The following FIP1L1 variants were observed in gnomAD, a reference collection of about 807,000 sequenced individuals.
FIP1L1 encodes the protein pre-mRNA 3'-end-processing factor FIP1.
Under a neutral mutation model 84.6 loss-of-function variants are expected in FIP1L1, and 21 were observed. That is an observed-to-expected ratio of 0.25 (90% CI 0.18 to 0.36). The LOEUF (loss-of-function observed/expected upper bound fraction) is 0.36, where lower values mean the gene tolerates loss of function less well. FIP1L1 is among the 10% of genes least tolerant of loss of function. The pLI, the probability that FIP1L1 is intolerant of heterozygous loss-of-function variation, is 1.00. For synonymous variants in FIP1L1, 263 were observed against 242.3 expected (o/e 1.09, Z -0.80); for missense variants, 526 against 751.1 (o/e 0.70, Z 3.50).
chr4:53,422,401 A>T (rs1293341728), intron 11 of FIP1L1, among the ~76,000 whole-genome samples: 2 of 152,014 alleles, frequency 1.3e-5, no homozygotes, highest in African/African-American at 2.4e-5. Context: ...AAAGTTTAAA[A>T]ACTATTGTAC....
chr4:53,383,899 A>G (rs1413843845), intron 5 of FIP1L1, 23 bp downstream of exon 5: 1 of 1,605,488 alleles, frequency 6.2e-7, no homozygotes, highest in African/African-American at 1.3e-5. Flanking sequence ...TTAGTAAGTA[A>G]CAATTGTGTA....
At position 53,409,796 on chromosome 4, in the gene FIP1L1, G is replaced by A. The variant is rs548740203; in HGVS notation, c.816-4819G>A. On this transcript the variant is annotated intron_variant, in intron 10 of 17. Coordinates refer to ENST00000337488, the MANE Select transcript of FIP1L1 (RefSeq NM_030917.4). ...CGTGGGCGTAGGACCCTCCGACCCA[G>A]GTGCAGGATATAATCTCCTGGTGCG... 3.7e-4 allele frequency among the ~76,000 whole-genome samples: 56 copies of A among 152,370 alleles called. 1 individual carries two copies. Among genetic ancestry groups the A allele is most frequent in the Admixed American group, 8.5e-4 (13 of 15,310 alleles).
chr4:53,388,699 A>G (rs568352151), intron 5 of FIP1L1, among the ~76,000 whole-genome samples: 2 of 152,292 alleles, frequency 1.3e-5, no homozygotes, highest in Admixed American at 6.5e-5. Context: ...GTTTTCTTCT[A>G]ACTTCCCTAG....
rs1326819736 is a variant in FIP1L1 at position 53,377,671 on chromosome 4, C to T, written c.-168C>T. 22 of 604,666 alleles carry T rather than the reference C, an allele frequency of 3.6e-5. No homozygotes were observed. Among genetic ancestry groups the T allele is most frequent in the African/African-American group, 1.1e-4 (6 of 52,454 alleles). 37.5% of individuals were successfully genotyped at this position (604,666 alleles called of 1,614,324 possible). The stretch of plus-strand genomic sequence containing the variant: ...TGCGCAGACGGACCTGCGCTGGAGG[C>T]TTCATCTTTGCCGCCGCTGCCGTCG... On this transcript the variant is annotated 5_prime_UTR_variant, in exon 1 of 18. Coordinates refer to ENST00000337488, the MANE Select transcript of FIP1L1 (RefSeq NM_030917.4).
chr4:53,409,413 G>T (rs1175454326), intron 10 of FIP1L1, among the ~76,000 whole-genome samples: 3 of 152,176 alleles, frequency 2.0e-5, no homozygotes, highest in African/African-American at 4.8e-5. Flanking sequence ...CTACTGGGGG[G>T]TGTCTCCCAC....
At chr4:53,395,643 C>T (rs984154657) in intron 9 of FIP1L1, among the ~76,000 whole-genome samples, 7 of 152,074 alleles carry the variant, frequency 4.6e-5, no homozygotes, top group Non-Finnish European at 8.8e-5. Flanking sequence ...AGTTGATTCC[C>T]AAAGACAGTC....
intron 15 of FIP1L1, among the ~76,000 whole-genome samples, chr4:53,449,655 C>CT (rs1183234903): frequency 1.1e-4 from 16 of 151,232 alleles, no homozygotes; most frequent in East Asian, 1.9e-4. Context: ...AGGGAATAAT[C>CT]TTTTTTTTTC....
At chr4:53,454,550 AGTTT>A (rs1028259444) in intron 16 of FIP1L1, among the ~76,000 whole-genome samples, 18 of 152,300 alleles carry the variant, frequency 1.2e-4, no homozygotes, top group African/African-American at 4.3e-4. Context: ...GAAAAAACAG[AGTTT>A]GTTCAGAATG....
At chr4:53,453,200 G>T in intron 16 of FIP1L1, 67 bp downstream of exon 16, 1 of 1,575,700 alleles carries the variant, frequency 6.3e-7, no homozygotes. Flanking sequence ...TTTTCGTTAT[G>T]AGGAAGTGAA....
intron 11 of FIP1L1, among the ~76,000 whole-genome samples, chr4:53,424,369 T>C (rs1763536786): frequency 6.6e-6 from 1 of 152,080 alleles, no homozygotes; most frequent in South Asian, 2.1e-4. Context: ...TGTTTTATTG[T>C]AGAGATATTT....
intron 10 of FIP1L1, among the ~76,000 whole-genome samples, chr4:53,404,387 A>C (rs1752032004): frequency 6.6e-6 from 1 of 152,048 alleles, no homozygotes. Flanking sequence ...TATATGTGCC[A>C]CATTTTCTTA....
intron 9 of FIP1L1, among the ~76,000 whole-genome samples, chr4:53,393,317 T>C (rs1480462121): frequency 6.6e-6 from 1 of 152,240 alleles, no homozygotes; most frequent in East Asian, 1.9e-4. Flanking sequence ...AATTAAAATT[T>C]ATTTTCATAT....
intron 5 of FIP1L1, among the ~76,000 whole-genome samples, chr4:53,388,311 A>G (rs1473826799): frequency 6.6e-6 from 1 of 151,484 alleles, no homozygotes; most frequent in African/African-American, 2.4e-5. Flanking sequence ...ATATATCATT[A>G]TAAACATCTG....
intron 10 of FIP1L1, among the ~76,000 whole-genome samples, chr4:53,404,374 G>T (rs1752023603): frequency 1.3e-5 from 2 of 151,952 alleles, no homozygotes; most frequent in Non-Finnish European, 2.9e-5. Flanking sequence ...GTATTCCATG[G>T]TGTATATGTG....
intron 13 of FIP1L1, among the ~76,000 whole-genome samples, chr4:53,438,714 A>AT (rs1431761463): frequency 6.6e-6 from 1 of 152,204 alleles, no homozygotes; most frequent in African/African-American, 2.4e-5. Context: ...GCAGACAGTA[A>AT]TTTTAACTAC....
At chr4:53,399,644 T>A in intron 9 of FIP1L1, 86 bp from the exon 10 acceptor site, 1 of 823,716 alleles carries the variant, frequency 1.2e-6, no homozygotes, top group Non-Finnish European at 2.0e-6. Flanking sequence ...TCAAATTAAA[T>A]GTTGTAAACT....
chr4:53,399,663 C>T (rs1749216437), intron 9 of FIP1L1, 67 bp from the exon 10 acceptor site: 2 of 954,364 alleles, frequency 2.1e-6, no homozygotes, highest in Non-Finnish European at 1.6e-6. Context: ...CTTATTTTAA[C>T]ATCTAAAGTC....
chr4:53,440,885 G>T, intron 13 of FIP1L1: 1 of 287,826 alleles, frequency 3.5e-6, no homozygotes, highest in East Asian at 7.4e-5. Flanking sequence ...TAAAATAAAA[G>T]TTTTCTTAAA....
At chr4:53,408,808 T>C (rs187296934) in intron 10 of FIP1L1, among the ~76,000 whole-genome samples, 2 of 152,322 alleles carry the variant, frequency 1.3e-5, no homozygotes, top group African/African-American at 4.8e-5. Flanking sequence ...GCTTCTGCAT[T>C]CTTCACGTAG....
Sources: allele counts gnomAD v4.1 joint callset (sites outside exome capture counted in the v4.1 genomes callset), GRCh38; gene constraint gnomAD v4.1.1; transcripts MANE v1.5; gene names NCBI Gene and HGNC (gene_info 2026-07-23, HGNC 2026-07-21).